The following FGF12 variants were observed in gnomAD, a reference collection of about 807,000 sequenced individuals.
The protein encoded by FGF12 is fibroblast growth factor 12.
Under a neutral mutation model 23.6 loss-of-function variants are expected in FGF12, and 14 were observed. The ratio of observed to expected loss-of-function variants is 0.59; its 90% confidence interval spans 0.39 to 0.93. The LOEUF is 0.93. Among genes scored for constraint, FGF12 ranks in the 40% least tolerant of loss-of-function variants. The pLI, the probability that FGF12 is intolerant of heterozygous loss-of-function variation, is 0.00. For synonymous variants in FGF12, 62 were observed against 77.3 expected (o/e 0.80, Z 1.04); for missense variants, 175 against 217.8 (o/e 0.80, Z 1.24).
chr3:192,402,189 A>G (rs1297363785), intron 2 of FGF12, among the ~76,000 whole-genome samples: 3 of 152,178 alleles, frequency 2.0e-5, no homozygotes, highest in Non-Finnish European at 4.4e-5. Context: ...TTACTATCCA[A>G]AACATCTGAA....
intron 3 of FGF12, among the ~76,000 whole-genome samples, chr3:192,342,679 G>C (rs1378378622): frequency 6.6e-6 from 1 of 152,068 alleles, no homozygotes; most frequent in African/African-American, 2.4e-5. Context: ...GGGAGGCTGA[G>C]GTCGGAGGAT....
intron 5 of FGF12, among the ~76,000 whole-genome samples, chr3:192,166,710 T>C (rs73191581): frequency 0.051 from 7,842 of 152,330 alleles, 302 homozygotes; most frequent in Middle Eastern, 0.12. Flanking sequence ...GAATAGCACC[T>C]GCACAGAGTA....
At chr3:192,333,940 G>C (rs150198184) in intron 4 of FGF12, among the ~76,000 whole-genome samples, 16 of 152,162 alleles carry the variant, frequency 1.1e-4, no homozygotes, top group African/African-American at 2.6e-4. Flanking sequence ...AATGATTTTG[G>C]GGGGGAGTTC....
chr3:192,725,950 A>G (rs548689983), intron 2 of FGF12, among the ~76,000 whole-genome samples: 1 of 152,222 alleles, frequency 6.6e-6, no homozygotes, highest in Non-Finnish European at 1.5e-5. Flanking sequence ...TCAATGTATC[A>G]TAAGAATAAT....
chr3:192,275,238 T>C (rs1713705679), intron 4 of FGF12, among the ~76,000 whole-genome samples: 2 of 150,522 alleles, frequency 1.3e-5, no homozygotes, highest in Admixed American at 1.3e-4. Context: ...CAAAACTAAG[T>C]TGTTTATTTG....
At chr3:192,726,216 G>A (rs1249439787) in intron 2 of FGF12, among the ~76,000 whole-genome samples, 2 of 152,122 alleles carry the variant, frequency 1.3e-5, no homozygotes, top group African/African-American at 4.8e-5. Context: ...ATAAAATCTT[G>A]TTTCAAATAT....
At chr3:192,204,000 A>G (rs1258396019) in intron 4 of FGF12, among the ~76,000 whole-genome samples, 1 of 152,160 alleles carries the variant, frequency 6.6e-6, no homozygotes, top group Non-Finnish European at 1.5e-5. Flanking sequence ...TTCATTGGCC[A>G]AAAAGAATTT....
At chr3:192,656,193 T>C (rs1351592860) in intron 2 of FGF12, among the ~76,000 whole-genome samples, 1 of 151,752 alleles carries the variant, frequency 6.6e-6, no homozygotes, top group African/African-American at 2.4e-5. Context: ...ACTCTCAAAA[T>C]ACTGGATAAA....
intron 2 of FGF12, among the ~76,000 whole-genome samples, chr3:192,425,457 A>G (rs1441785332): frequency 6.6e-6 from 1 of 152,224 alleles, no homozygotes. Flanking sequence ...AAAAGCACAA[A>G]GGTGTCAAAC....
intron 2 of FGF12, among the ~76,000 whole-genome samples, chr3:192,562,737 CTTT>C (rs34822834): frequency 2.8e-5 from 4 of 141,890 alleles, no homozygotes; most frequent in Non-Finnish European, 4.6e-5. Flanking sequence ...ACCTCTGAGA[CTTT>C]TTTTTTTTTT....
At chr3:192,385,335 G>A (rs2108756533) in intron 2 of FGF12, among the ~76,000 whole-genome samples, 1 of 151,976 alleles carries the variant, frequency 6.6e-6, no homozygotes, top group African/African-American at 2.4e-5. Context: ...TTTAAGGTAG[G>A]TAGTATTCAA....
chr3:192,259,328 T>C (rs1683674855), intron 4 of FGF12, among the ~76,000 whole-genome samples: 3 of 152,124 alleles, frequency 2.0e-5, no homozygotes, highest in Admixed American at 2.0e-4. Flanking sequence ...TTGGGGGTGA[T>C]GAATAAGAAC....
intron 4 of FGF12, among the ~76,000 whole-genome samples, chr3:192,227,628 A>G (rs1048917494): frequency 6.6e-6 from 1 of 151,772 alleles, no homozygotes; most frequent in Admixed American, 6.6e-5. Flanking sequence ...CTATCACACC[A>G]TAGTAAGTGA....
intron 2 of FGF12, among the ~76,000 whole-genome samples, chr3:192,485,782 A>G (rs1723616353): frequency 6.6e-6 from 1 of 152,212 alleles, no homozygotes; most frequent in Non-Finnish European, 1.5e-5. Context: ...AGTATTATTG[A>G]AATAAAAGCA....
chr3:192,564,183 C>A (rs1348143385), intron 2 of FGF12, among the ~76,000 whole-genome samples: 1 of 152,184 alleles, frequency 6.6e-6, no homozygotes, highest in Non-Finnish European at 1.5e-5. Context: ...CCTGCCTCAG[C>A]CTTCTGAGTA....
At chr3:192,200,174 A>AT (rs1270582458) in intron 4 of FGF12, among the ~76,000 whole-genome samples, 14 of 151,524 alleles carry the variant, frequency 9.2e-5, no homozygotes, top group South Asian at 8.4e-4. Context: ...AAAAAAAAAA[A>AT]AATAATTAGC....
chr3:192,599,578 C>T (rs143204290), intron 2 of FGF12, among the ~76,000 whole-genome samples: 6 of 151,974 alleles, frequency 3.9e-5, no homozygotes, highest in East Asian at 1.9e-4. Flanking sequence ...GTATTTCCAA[C>T]GACCAGTTTC....
intron 2 of FGF12, among the ~76,000 whole-genome samples, chr3:192,660,609 T>C (rs1310640781): frequency 6.6e-6 from 1 of 152,024 alleles, no homozygotes; most frequent in Non-Finnish European, 1.5e-5. Flanking sequence ...GTATACTCTG[T>C]TTTTGGAAAA....
chr3:192,609,176 T>G (rs1170594549), intron 2 of FGF12, among the ~76,000 whole-genome samples: 1 of 152,134 alleles, frequency 6.6e-6, no homozygotes. Flanking sequence ...GTGTTGATTC[T>G]GGACGGTAGT....
Sources: gnomAD v4.1 joint callset for allele counts (sites outside exome capture counted in the v4.1 genomes callset) on GRCh38, gnomAD v4.1.1 for gene constraint, MANE v1.5 for transcripts, NCBI Gene and HGNC (gene_info 2026-07-23, HGNC 2026-07-21) for gene names.